Variants in TMTC1 observed in about 807,000 individuals in gnomAD.
The protein encoded by TMTC1 is protein O-mannosyl-transferase TMTC1.
A neutral mutation model predicts 104.8 loss-of-function variants in TMTC1; 73 were observed. The ratio of observed to expected loss-of-function variants is 0.70; its 90% CI spans 0.58 to 0.85. TMTC1 has a LOEUF of 0.85. Ranked by LOEUF, TMTC1 falls within the 40% of genes least tolerant of loss-of-function variation. The probability of loss-of-function intolerance (pLI) is 0.00; values close to 1 mark genes in which losing one functional copy is unlikely to be tolerated. For synonymous variants in TMTC1, 434 were observed against 428.7 expected, an observed-to-expected ratio of 1.01 and a Z score of -0.15; for missense variants, 1,035 against 1,096.1, an observed-to-expected ratio of 0.94 and a Z score of 0.79.
At chr12:29,666,402 T>C in intron 5 of TMTC1, 1 of 337,222 alleles carries the variant, frequency 3.0e-6, no homozygotes, top group South Asian at 2.3e-5. Flanking sequence ...TTTGTTGTTG[T>C]TGTTGTATTT....
chr12:29,629,466 C>T (rs369810356), intron 6 of TMTC1, among the ~76,000 whole-genome samples: 5 of 152,144 alleles, frequency 3.3e-5, no homozygotes, highest in African/African-American at 1.2e-4. Context: ...CAAGCTGTAC[C>T]CCTACCACAG....
At position 29,604,817 on chromosome 12, in the gene TMTC1, A is replaced by G. The variant is rs1273329691; in HGVS notation, c.1129-518T>C. On this transcript the variant is annotated intron_variant, in intron 6 of 17. Transcript: ENST00000539277. Reference sequence around the variant, plus strand: ...GATAAAATTTGGGATGCCAATGGAGAGAGAATCATTTGAATTGAAGCATAC... The same window carrying G: ...GATAAAATTTGGGATGCCAATGGAGGGAGAATCATTTGAATTGAAGCATAC... Among the ~76,000 whole-genome samples the G allele has an allele frequency of 7.2e-5, 11 of 152,356 alleles. No individual in the cohort carries two copies. The East Asian group carries it at 1.9e-3, about 27-fold the overall frequency.
At chr12:29,634,336 C>T (rs1197191516) in intron 5 of TMTC1, among the ~76,000 whole-genome samples, 2 of 152,174 alleles carry the variant, frequency 1.3e-5, no homozygotes, top group African/African-American at 4.8e-5. Flanking sequence ...AGGACAGAGC[C>T]TCTGCCTCCC....
At chr12:29,775,987 A>G (rs1031766561) in intron 1 of TMTC1, among the ~76,000 whole-genome samples, 1 of 152,170 alleles carries the variant, frequency 6.6e-6, no homozygotes, top group Non-Finnish European at 1.5e-5. Context: ...CCAAGAATCC[A>G]GCACGAAGAC....
intron 6 of TMTC1, among the ~76,000 whole-genome samples, chr12:29,630,902 C>T (rs1451382725): frequency 6.6e-6 from 1 of 152,078 alleles, no homozygotes; most frequent in Non-Finnish European, 1.5e-5. Context: ...CCAGTTGCTC[C>T]ACAGTGGCCA....
At chr12:29,731,513 A>C (rs1225538507) in intron 5 of TMTC1, among the ~76,000 whole-genome samples, 1 of 152,196 alleles carries the variant, frequency 6.6e-6, no homozygotes, top group Non-Finnish European at 1.5e-5. Flanking sequence ...AGCTCTTAGA[A>C]GAAAAGAAAC....
At chr12:29,591,698 A>G (rs1371689995) in intron 7 of TMTC1, among the ~76,000 whole-genome samples, 2 of 152,244 alleles carry the variant, frequency 1.3e-5, no homozygotes, top group East Asian at 3.8e-4. Context: ...CAGCACTTAA[A>G]TAACTAAAAA....
rs142580944 is a variant in TMTC1, at chr12:29,723,946, A to G, written c.938+27720T>C. 5.9e-3 allele frequency among the ~76,000 whole-genome samples: 903 copies of G among 152,354 alleles called. 12 individuals are homozygous for G. Among genetic ancestry groups the G allele is most frequent in the African/African-American group, 0.021 (857 of 41,580 alleles). Reference sequence around the variant, plus strand: ...GTGAAGACCTTAGACTTAAAAGTCAAAAGTATGTTTTCAGAAATGTTTAGA... The same window carrying G: ...GTGAAGACCTTAGACTTAAAAGTCAGAAGTATGTTTTCAGAAATGTTTAGA... On this transcript the variant is annotated intron_variant, in intron 5 of 17. Coordinates refer to ENST00000539277, the MANE Select transcript of TMTC1 (RefSeq NM_001193451.2).
intron 7 of TMTC1, among the ~76,000 whole-genome samples, chr12:29,603,895 A>G (rs1271304980): frequency 6.6e-6 from 1 of 152,256 alleles, no homozygotes; most frequent in African/African-American, 2.4e-5. Context: ...ACATAGATGT[A>G]GTGATAAATG....
chr12:29,708,362 G>A (rs978022119), intron 5 of TMTC1, among the ~76,000 whole-genome samples: 5 of 152,152 alleles, frequency 3.3e-5, no homozygotes, highest in Admixed American at 2.6e-4. Flanking sequence ...TTAAATAAAT[G>A]CACATGAACA....
intron 5 of TMTC1, among the ~76,000 whole-genome samples, chr12:29,694,804 A>C (rs1186157199): frequency 2.6e-5 from 4 of 152,042 alleles, no homozygotes; most frequent in Non-Finnish European, 5.9e-5. Flanking sequence ...GCCAGGCATG[A>C]TGGTGGGTGC....
chr12:29,562,665 G>C (rs1202862245), intron 9 of TMTC1, among the ~76,000 whole-genome samples: 1 of 152,168 alleles, frequency 6.6e-6, no homozygotes, highest in Middle Eastern at 3.2e-3. Context: ...AGCTATGTGA[G>C]TTTGAATTCA....
chr12:29,702,715 C>T (rs1338964639), intron 5 of TMTC1, among the ~76,000 whole-genome samples: 2 of 152,154 alleles, frequency 1.3e-5, no homozygotes, highest in Non-Finnish European at 2.9e-5. Context: ...TTGAGTATGC[C>T]GGCCACTCCG....
intron 5 of TMTC1, among the ~76,000 whole-genome samples, chr12:29,700,700 T>C (rs995064619): frequency 1.3e-5 from 2 of 152,200 alleles, no homozygotes; most frequent in Non-Finnish European, 2.9e-5. Flanking sequence ...AAATTAAGTA[T>C]TAATAGAATA....
intron 5 of TMTC1, among the ~76,000 whole-genome samples, chr12:29,650,179 G>C (rs1490687827): frequency 6.6e-6 from 1 of 151,380 alleles, no homozygotes; most frequent in African/African-American, 2.4e-5. Context: ...TGCCTCCCAA[G>C]GTTCAAGCCA....
At chr12:29,726,584 C>A (rs1401649336) in intron 5 of TMTC1, among the ~76,000 whole-genome samples, 1 of 152,192 alleles carries the variant, frequency 6.6e-6, no homozygotes, top group Non-Finnish European at 1.5e-5. Flanking sequence ...GCAACCAACC[C>A]TAGACTCTCT....
intron 5 of TMTC1, among the ~76,000 whole-genome samples, chr12:29,710,808 TATATA>T (rs1209601226): frequency 2.1e-4 from 11 of 53,484 alleles, no homozygotes; most frequent in East Asian, 1.8e-3. Context: ...AATGTATTTA[TATATA>T]ATATAATGTT....
At chr12:29,718,519 T>C (rs1942145694) in intron 5 of TMTC1, among the ~76,000 whole-genome samples, 1 of 152,168 alleles carries the variant, frequency 6.6e-6, no homozygotes, top group Admixed American at 6.5e-5. Context: ...ATAGCCCTGG[T>C]AAGGCTGTAA....
intron 1 of TMTC1, among the ~76,000 whole-genome samples, chr12:29,779,439 G>A (rs560323825): frequency 6.6e-6 from 1 of 152,276 alleles, no homozygotes; most frequent in East Asian, 1.9e-4. Context: ...AAAACTGGTA[G>A]AAGTAGATGG....
Sources: allele counts gnomAD v4.1 joint callset (sites outside exome capture counted in the v4.1 genomes callset), GRCh38; gene constraint gnomAD v4.1.1; transcripts MANE v1.5; gene names NCBI Gene and HGNC (gene_info 2026-07-23, HGNC 2026-07-21).